Variants in CSNK1E observed in about 807,000 individuals in gnomAD.
The protein encoded by CSNK1E is casein kinase I isoform epsilon.
CSNK1E carries 17 observed loss-of-function variants against 46.1 expected under a neutral mutation model. The ratio of observed to expected loss-of-function variants is 0.37; its 90% CI spans 0.25 to 0.55. CSNK1E has a LOEUF of 0.55. Ranked by LOEUF, CSNK1E falls within the 20% of genes least tolerant of loss-of-function variation. The pLI, the probability that CSNK1E is intolerant of heterozygous loss-of-function variation, is 0.82. For synonymous variants in CSNK1E, 241 were observed against 242.6 expected (o/e 0.99, Z 0.06); for missense variants, 386 against 595.4 (o/e 0.65, Z 3.66).
intron 4 of CSNK1E, among the ~76,000 whole-genome samples, chr22:38,302,300 G>A (rs937953237): frequency 2.0e-5 from 3 of 152,304 alleles, no homozygotes; most frequent in Middle Eastern, 6.8e-3. Context: ...AAGGCCAGGA[G>A]TTTGAGACCA....
rs1569084456 is a variant in CSNK1E, at chr22:38,314,338, C to G, written c.-12-169G>C. On this transcript the variant is annotated intron_variant, in intron 1 of 10. Transcript: ENST00000396832. ...GCCTGCACTCCACACACCTGGGGAA[C>G]AGCTAAGGCAGGCTGAGGACAGGTT... 2.6e-5 allele frequency among the ~76,000 whole-genome samples: 4 copies of G among 152,374 alleles called. No individual in the cohort carries two copies. The South Asian group carries it at 8.3e-4, about 32-fold the overall frequency.
At chr22:38,305,048 G>C (rs919070803) in intron 2 of CSNK1E, among the ~76,000 whole-genome samples, 2 of 146,738 alleles carry the variant, frequency 1.4e-5, no homozygotes, top group Non-Finnish European at 3.0e-5. Flanking sequence ...CTTGAACCCA[G>C]GAGGCGGAGG....
Position 38,311,028 on chromosome 22 carries a change from C to T in CSNK1E, c.76+3054G>A, listed in dbSNP as rs112977635. Among the ~76,000 whole-genome samples, 971 of 152,288 alleles carry T rather than the reference C, an allele frequency of 6.4e-3. 6 individuals carry two copies. Among genetic ancestry groups the T allele is most frequent in the Middle Eastern group, 0.024 (7 of 294 alleles). On this transcript the variant is annotated intron_variant, in intron 2 of 10. Transcript: ENST00000396832. ...GGCAGGGTCCCCTGAGGCCCTTGCA[C>T]CAGTGAAGATGGGAGAGTCAGGAGT...
intron 7 of CSNK1E, chr22:38,297,903 G>A (rs887314069): frequency 4.6e-6 from 5 of 1,083,240 alleles, no homozygotes; most frequent in Middle Eastern, 9.0e-4. Context: ...GGGCCCTGGA[G>A]TCCAGACCAC....
chr22:38,300,595 G>T lies in CSNK1E; in HGVS notation c.565+129C>A. 1 of 854,488 alleles carries T rather than the reference G, an allele frequency of 1.2e-6. No individual in the cohort carries two copies. The highest frequency in any genetic ancestry group is 3.5e-4 in the Middle Eastern group (1 of 2,836). 52.9% of individuals were successfully genotyped at this position (854,488 alleles called of 1,614,324 possible). A position where few individuals can be genotyped will look rare whatever the true frequency, so the allele number is the denominator to read the frequency against. ...AATAAGCACGAGCTTGGGGGCAGAC[G>T]GGGTGGGGACTTTCTCACTAGAAAA... On this transcript the variant is annotated intron_variant, in intron 5 of 10. Coordinates refer to ENST00000396832, the MANE Select transcript of CSNK1E (RefSeq NM_152221.3). This position sits in a 1 kb window ranked among gnomAD's most constrained non-coding sequence, Gnocchi z 4.4.
rs1569079162 is a variant in CSNK1E, at chr22:38,303,063, C to T, written c.188-54G>A. 2.2e-5 allele frequency: 35 copies of T among 1,602,802 alleles called. No individual in the cohort carries two copies. Among genetic ancestry groups the T allele is most frequent in the African/African-American group, 2.7e-5 (2 of 74,830 alleles). On this transcript the variant is annotated intron_variant, in intron 3 of 10. Coordinates refer to ENST00000396832, the MANE Select transcript of CSNK1E (RefSeq NM_152221.3). This position sits in a 1 kb window ranked among gnomAD's most constrained non-coding sequence, Gnocchi z 4.7. ...GGGGTCAGAGGCAGGCAGCCAGCCA[C>T]GCCCGGCCCACCCTGTGCTCATGGC...
rs77268839 is a variant in CSNK1E at position 38,303,052 on chromosome 22, G to C, written c.188-43C>G. The C allele has an allele frequency of 4.6e-5, 40 of 862,410 alleles. 1 individual carries two copies. The highest frequency in any genetic ancestry group is 2.8e-4 in the Middle Eastern group (1 of 3,558). The allele number at this position is 862,410 out of a possible 1,614,324, so 53.4% of individuals were successfully genotyped here. ...GGCCTCTGTCAGGGGTCAGAGGCAGGCAGCCAGCCACGCCCGGCCCACCCT... is the reference window on the plus strand; with the variant it reads ...GGCCTCTGTCAGGGGTCAGAGGCAGCCAGCCAGCCACGCCCGGCCCACCCT... On this transcript the variant is annotated intron_variant, in intron 3 of 10. Transcript: ENST00000396832. This position sits in a 1 kb window ranked among gnomAD's most constrained non-coding sequence, Gnocchi z 4.7.
chr22:38,295,974 A>T (rs1209689599), intron 7 of CSNK1E, among the ~76,000 whole-genome samples: 1 of 152,260 alleles, frequency 6.6e-6, no homozygotes, highest in Non-Finnish European at 1.5e-5. Context: ...TTCTGCGGGC[A>T]GAGTCACATC....
At chr22:38,301,789 C>T (rs1361838220) in intron 4 of CSNK1E, among the ~76,000 whole-genome samples, 1 of 152,036 alleles carries the variant, frequency 6.6e-6, no homozygotes, top group East Asian at 1.9e-4. Context: ...TGGCTCTGGC[C>T]CCAGGTTCAG....
Position 38,303,064 on chromosome 22 carries a change from G to A in CSNK1E, c.188-55C>T, listed in dbSNP as rs1418459387. ...GGGTCAGAGGCAGGCAGCCAGCCAC[G>A]CCCGGCCCACCCTGTGCTCATGGCT... On this transcript the variant is annotated intron_variant, in intron 3 of 10. Transcript: ENST00000396832. The surrounding 1 kb of genome is among the most constrained non-coding windows in gnomAD (Gnocchi z 4.7). 12 of 1,602,230 alleles carry A rather than the reference G, an allele frequency of 7.5e-6. No homozygotes were observed. Among genetic ancestry groups the A allele is most frequent in the African/African-American group, 6.7e-5 (5 of 74,776 alleles).
chr22:38,316,168 T>TA (rs1008893860), intron 1 of CSNK1E, among the ~76,000 whole-genome samples: 4 of 151,992 alleles, frequency 2.6e-5, no homozygotes, highest in Non-Finnish European at 5.9e-5. Context: ...TTCAGCAGGT[T>TA]AAAAAAATTA....
Position 38,298,197 on chromosome 22 carries a change from A to C in CSNK1E, c.885+589T>G, listed in dbSNP as rs2092651023. The C allele has an allele frequency of 1.5e-6, 2 of 1,303,882 alleles. No individual in the cohort carries two copies. Among genetic ancestry groups the C allele is most frequent in the Non-Finnish European group, 2.0e-6 (2 of 988,828 alleles). 80.8% of individuals were successfully genotyped at this position (1,303,882 alleles called of 1,614,324 possible). On this transcript the variant is annotated intron_variant, in intron 7 of 10. Transcript: ENST00000396832. This position sits in a 1 kb window ranked among gnomAD's most constrained non-coding sequence, Gnocchi z 4.2. ...TCACGGGGCTGAGCCTGGCTCGAGG[A>C]AGCCCCCTTTTCCAGAAGAGATGTG...
chr22:38,315,038 A>G (rs1046527327), intron 1 of CSNK1E, among the ~76,000 whole-genome samples: 2 of 152,216 alleles, frequency 1.3e-5, no homozygotes, highest in Non-Finnish European at 2.9e-5. Context: ...GGTGTTTACA[A>G]GAGGACCAGC....
Position 38,294,242 on chromosome 22 carries a change from G to A in CSNK1E, c.1085C>T (p.Thr362Ile), listed in dbSNP as rs901866973. ...PASRIQPAGN[T>I]SPRAISRVDR... is the part of the protein sequence containing the mutation. ...GACCCGCGAGATCGCTCTGGGAGAAGTATTGCCTGGAGGGAGAGTGGGAAG... is the reference window on the plus strand; with the variant it reads ...GACCCGCGAGATCGCTCTGGGAGAAATATTGCCTGGAGGGAGAGTGGGAAG... The change falls in exon 9 of 11, where the codon ACT becomes ATT. Residue 362 changes from threonine (T) to isoleucine (I), a missense_variant. Around this residue, in one of 2 missense-constraint regions of CSNK1E, gnomAD observed 174 missense variants for 185.2 expected, o/e 0.94. Coordinates refer to ENST00000396832, the MANE Select transcript of CSNK1E (RefSeq NM_152221.3). This position sits in a 1 kb window ranked among gnomAD's most constrained non-coding sequence, Gnocchi z 5.5. 1 of 1,612,010 alleles carries A rather than the reference G, an allele frequency of 6.2e-7. No homozygotes were observed. The highest frequency in any genetic ancestry group is 1.7e-5 in the Admixed American group (1 of 59,992).
At position 38,302,980 on chromosome 22, in the gene CSNK1E, CTCCGCACCACT is replaced by C; in HGVS notation, c.206_216del (p.Lys69SerfsTer2). On this transcript the variant is annotated frameshift_variant, in exon 4 of 11. Transcript: ENST00000396832. LOFTEE classifies it high-confidence loss of function. ...ACCATCACGTTGTAGTCGCCCTCAG[CTCCGCACCACT>C]TGATGGACGGGATCCCCACTGGGGG... The C allele has an allele frequency of 6.2e-7, 1 of 1,614,086 alleles. No homozygotes were observed. Among genetic ancestry groups the C allele is most frequent in the Non-Finnish European group, 8.5e-7 (1 of 1,180,014 alleles).
chr22:38,293,405 A>G (rs2092622168), intron 9 of CSNK1E, 86 bp from the exon 10 acceptor site: 2 of 835,970 alleles, frequency 2.4e-6, no homozygotes, highest in Admixed American at 2.1e-5. Flanking sequence ...CTGGCGATAG[A>G]GATTTGGCAA....
At chr22:38,299,803 T>C in intron 6 of CSNK1E, 92 bp downstream of exon 6, 4 of 1,461,210 alleles carry the variant, frequency 2.7e-6, no homozygotes. Flanking sequence ...CCACCGCGCC[T>C]AGCCCCAGCG....
chr22:38,313,965 G>C, intron 2 of CSNK1E, 117 bp downstream of exon 2: 1 of 958,540 alleles, frequency 1.0e-6, no homozygotes, highest in Non-Finnish European at 1.6e-6. Flanking sequence ...TGGCCCTGGG[G>C]CAAATCATGC....
At chr22:38,296,929 C>T (rs1195956052) in intron 7 of CSNK1E, 1 of 612,892 alleles carries the variant, frequency 1.6e-6, no homozygotes. Context: ...AACACACCAC[C>T]ATGCCCAGCT....
Sources: gnomAD v4.1 joint callset for allele counts (sites outside exome capture counted in the v4.1 genomes callset) on GRCh38, gnomAD v4.1.1 for gene constraint, gnomAD v4.1.1 regional missense constraint, Gnocchi (gnomAD v3.1) non-coding constraint, MANE v1.5 for transcripts, NCBI Gene and HGNC (gene_info 2026-07-23, HGNC 2026-07-21) for gene names.